The following LRRC37B variants were observed in gnomAD, a reference collection of about 807,000 sequenced individuals.
The protein encoded by LRRC37B is leucine rich repeat containing 37B.
Under a neutral mutation model 98.3 loss-of-function variants are expected in LRRC37B, and 28 were observed. The observed-to-expected ratio is 0.28, with a 90% CI of 0.21 to 0.39. The LOEUF is 0.39. LRRC37B is among the 10% of genes least tolerant of loss of function. LRRC37B has a pLI of 1.00. For synonymous variants in LRRC37B, 364 were observed against 442.7 expected, an observed-to-expected ratio of 0.82 and a Z score of 2.23; for missense variants, 938 against 1,182.7, an observed-to-expected ratio of 0.79 and a Z score of 3.03.
At chr17:32,039,100 A>G (rs1344806156) in intron 7 of LRRC37B, among the ~76,000 whole-genome samples, 1 of 152,006 alleles carries the variant, frequency 6.6e-6, no homozygotes, top group Non-Finnish European at 1.5e-5. Context: ...GTTAATTTGC[A>G]TATATGGTGT....
chr17:32,022,641 C>T lies in LRRC37B; in HGVS notation c.1576C>T (p.Gln526Ter). The T allele has an allele frequency of 1.2e-6, 2 of 1,613,986 alleles. No individual in the cohort carries two copies. Among genetic ancestry groups the T allele is most frequent in the Admixed American group, 3.3e-5 (2 of 60,016 alleles). The change falls in exon 1 of 12, where the codon CAG becomes TAG. Residue 526 changes from glutamine to a stop codon, truncating the protein, a stop_gained. Transcript: ENST00000327564. LOFTEE classifies it high-confidence loss of function. The stretch of plus-strand genomic sequence containing the variant: ...TCCACCTACAAAGTTAGAATCTTCG[C>T]AGGATTCATTGGTGCAGTCTGAAAC...
exon 1 of LRRC37B, chr17:32,021,502 A>C: frequency 6.2e-7 from 1 of 1,614,130 alleles, no homozygotes. Context: ...GCTGCACATC[A>C]GGACTTAAAT....
chr17:32,023,813 G>T (rs561010736), intron 1 of LRRC37B, among the ~76,000 whole-genome samples: 1 of 152,146 alleles, frequency 6.6e-6, no homozygotes, highest in South Asian at 2.1e-4. Context: ...GCTATTGTCC[G>T]CAGAACATTA....
At chr17:32,018,761 A>G (rs888622185), upstream of LRRC37B, among the ~76,000 whole-genome samples, 11 of 152,134 alleles carry the variant, frequency 7.2e-5, no homozygotes, top group African/African-American at 2.7e-4. Flanking sequence ...CTTGGATCTC[A>G]TTATCTCCCG....
chr17:32,029,848 G>A (rs1017777383), intron 3 of LRRC37B, among the ~76,000 whole-genome samples: 11 of 152,298 alleles, frequency 7.2e-5, no homozygotes, highest in Middle Eastern at 3.4e-3. Context: ...CTCAGTTCTG[G>A]ACTCCGCCCT....
chr17:32,034,504 CAAA>C (rs35735718), intron 5 of LRRC37B, among the ~76,000 whole-genome samples: 4 of 43,900 alleles, frequency 9.1e-5, no homozygotes, highest in East Asian at 6.3e-4. Context: ...ACTCCATCTC[CAAA>C]AAAAAAAAAA....
chr17:32,050,255 C>T (rs1433120176), intron 11 of LRRC37B, 148 bp downstream of exon 14: 3 of 655,964 alleles, frequency 4.6e-6, no homozygotes, highest in Non-Finnish European at 5.7e-6. Context: ...TCTTTTACTG[C>T]AATGTATATT....
intron 7 of LRRC37B, chr17:32,041,145 C>G (rs750774416): frequency 1.3e-6 from 1 of 769,226 alleles, no homozygotes; most frequent in Admixed American, 1.7e-5. Context: ...GAAGCTCAAG[C>G]GCAGGATGCG....
intron 7 of LRRC37B, among the ~76,000 whole-genome samples, chr17:32,037,382 C>T (rs1911278341): frequency 6.6e-6 from 1 of 152,098 alleles, no homozygotes; most frequent in African/African-American, 2.4e-5. Flanking sequence ...TCTCCTCCCT[C>T]AGCCTCCTGA....
chr17:32,045,761 T>C (rs747528713), exon 8 of LRRC37B: 2 of 1,601,496 alleles, frequency 1.2e-6, no homozygotes, highest in South Asian at 1.1e-5. Flanking sequence ...TGAGGCTGTC[T>C]GCAAGACAGT....
At chr17:32,050,488 C>T (rs1018449461) in intron 11 of LRRC37B, 4 of 238,180 alleles carry the variant, frequency 1.7e-5, no homozygotes, top group Non-Finnish European at 2.6e-5. Context: ...TCCACCCTCA[C>T]GGAGTTGTAA....
intron 7 of LRRC37B, chr17:32,036,232 C>A (rs1234785894): frequency 6.6e-6 from 1 of 152,510 alleles, no homozygotes; most frequent in Non-Finnish European, 1.5e-5. Flanking sequence ...AACTCCTGAC[C>A]TCAAGTGATC....
chr17:32,033,262 GC>G (rs1296937084), intron 5 of LRRC37B, among the ~76,000 whole-genome samples: 2 of 137,758 alleles, frequency 1.5e-5, no homozygotes, highest in African/African-American at 2.6e-5. Context: ...ATAGGCCTAA[GC>G]CACCAGGCCC....
rs772472057 is a variant in LRRC37B at position 32,034,997 on chromosome 17, CTCTCATGAGTCA to C, written c.2129+18_2129+29del. 6.6e-7 allele frequency: 1 copy of C among 1,512,576 alleles called. No homozygotes were observed. Among genetic ancestry groups the C allele is most frequent in the East Asian group, 2.3e-5 (1 of 43,902 alleles). The allele number at this position is 1,512,576 out of a possible 1,614,324, so 93.7% of individuals were successfully genotyped here. On this transcript the variant is annotated intron_variant, in intron 6 of 11. Transcript: ENST00000327564. ...TAAAATATCTGTAAGTACTATAGTA[CTCTCATGAGTCA>C]TGAGATGATTTATGCTTTTTAAATT... is the stretch of plus-strand genomic sequence containing the variant.
upstream of LRRC37B, among the ~76,000 whole-genome samples, chr17:32,016,608 T>C (rs1447904329): frequency 6.6e-6 from 1 of 152,176 alleles, no homozygotes; most frequent in Non-Finnish European, 1.5e-5. Flanking sequence ...TCAGAATTAT[T>C]TGGGGAGAAG....
intron 1 of LRRC37B, among the ~76,000 whole-genome samples, chr17:32,011,512 T>C (rs765436748): frequency 1.3e-5 from 2 of 151,838 alleles, no homozygotes; most frequent in Non-Finnish European, 2.9e-5. Flanking sequence ...ATTTTTCTTT[T>C]TTTAAGACAG....
chr17:32,022,043 C>T (rs747063782), exon 1 of LRRC37B: 2 of 1,613,960 alleles, frequency 1.2e-6, no homozygotes, highest in East Asian at 2.2e-5. Flanking sequence ...AACCTTCAAC[C>T]CAGCAGGAGG....
At chr17:32,046,604 T>TTTTTTTTTTTTTTTTTA (rs1567619910) in intron 8 of LRRC37B, among the ~76,000 whole-genome samples, 1 of 150,950 alleles carries the variant, frequency 6.6e-6, no homozygotes, top group African/African-American at 2.4e-5. Context: ...TTTTTCTTTT[T>TTTTTTTTTTTTTTTTTA]TTTTTTTTTT....
intron 2 of LRRC37B, among the ~76,000 whole-genome samples, chr17:32,025,030 G>GTTT (rs772444987): frequency 0.079 from 5,555 of 69,898 alleles, 1,232 homozygotes; most frequent in African/African-American, 0.14. Flanking sequence ...TTTTTTCCTC[G>GTTT]TTTTTTTTTT....
Sources: gnomAD v4.1 joint callset for allele counts (sites outside exome capture counted in the v4.1 genomes callset) on GRCh38, gnomAD v4.1.1 for gene constraint, MANE v1.5 for transcripts, NCBI Gene and HGNC (gene_info 2026-07-23, HGNC 2026-07-21) for gene names.